Variants in DPYD observed in about 807,000 individuals in gnomAD.
The protein encoded by DPYD is dihydropyrimidine dehydrogenase [NADP(+)].
In DPYD, 109 loss-of-function variants were observed where a neutral mutation model predicts 116.2. That is an observed-to-expected ratio of 0.94 (90% confidence interval 0.80 to 1.10). The LOEUF (loss-of-function observed/expected upper bound fraction) is 1.10, where lower values mean the gene tolerates loss of function less well. Ranked by LOEUF, DPYD falls within the 50% of genes least tolerant of loss-of-function variation. The pLI, the probability that DPYD is intolerant of heterozygous loss-of-function variation, is 0.00. For synonymous variants in DPYD, 440 were observed against 432.0 expected, an observed-to-expected ratio of 1.02 and a Z score of -0.23; for missense variants, 1,302 against 1,254.5, an observed-to-expected ratio of 1.04 and a Z score of -0.57.
intron 12 of DPYD, among the ~76,000 whole-genome samples, chr1:97,540,544 C>A (rs1363696355): frequency 6.6e-6 from 1 of 152,142 alleles, no homozygotes; most frequent in East Asian, 1.9e-4. Flanking sequence ...ACCTTCTTGG[C>A]ACACGGAAGC....
At chr1:97,553,976 T>C (rs1411980458) in intron 11 of DPYD, among the ~76,000 whole-genome samples, 1 of 151,426 alleles carries the variant, frequency 6.6e-6, no homozygotes, top group Non-Finnish European at 1.5e-5. Context: ...TAATTACTAC[T>C]ATGTTCAAAT....
At chr1:97,096,259 GT>G (rs1349437042) in intron 21 of DPYD, among the ~76,000 whole-genome samples, 4 of 151,736 alleles carry the variant, frequency 2.6e-5, no homozygotes, top group African/African-American at 9.7e-5. Flanking sequence ...GCTCTGTTTT[GT>G]TTTTTGTCTA....
intron 19 of DPYD, among the ~76,000 whole-genome samples, chr1:97,202,771 G>T (rs1659299366): frequency 6.6e-6 from 1 of 152,066 alleles, no homozygotes; most frequent in South Asian, 2.1e-4. Flanking sequence ...AGCTCTAACT[G>T]GACTCAGATC....
chr1:97,421,049 G>T (rs1674554015), intron 14 of DPYD, among the ~76,000 whole-genome samples: 1 of 152,050 alleles, frequency 6.6e-6, no homozygotes, highest in African/African-American at 2.4e-5. Context: ...TCAGTATTTA[G>T]CACAGACTCT....
intron 5 of DPYD, among the ~76,000 whole-genome samples, chr1:97,715,972 T>A (rs1352597172): frequency 1.3e-5 from 2 of 152,102 alleles, no homozygotes; most frequent in Non-Finnish European, 2.9e-5. Flanking sequence ...GGTGAAGATA[T>A]GGTAGAAGTA....
At chr1:97,534,168 G>A (rs1265702430) in intron 12 of DPYD, among the ~76,000 whole-genome samples, 3 of 152,072 alleles carry the variant, frequency 2.0e-5, no homozygotes, top group Admixed American at 6.6e-5. Flanking sequence ...CACTGTTCTA[G>A]GGATACAACA....
At chr1:97,740,013 T>C (rs1464255250) in intron 4 of DPYD, among the ~76,000 whole-genome samples, 1 of 152,110 alleles carries the variant, frequency 6.6e-6, no homozygotes, top group East Asian at 1.9e-4. Context: ...ATCTATGTGC[T>C]AGACTTACTA....
rs1660304797 is a variant in DPYD at position 97,679,124 on chromosome 1, T to A, written c.821A>T (p.Lys274Ile). The A allele has an allele frequency of 6.3e-7, 1 of 1,584,910 alleles. No individual in the cohort carries two copies. The highest frequency in any genetic ancestry group is 1.3e-5 in the African/African-American group (1 of 74,416). Residue 274 changes from lysine to isoleucine, a missense_variant, in exon 8 of 23, where the codon AAA becomes ATA. Lys to Ile is a moderately radical substitution (Grantham distance 102). Transcript: ENST00000370192. ...TCCAATGAAAGCAGCTTTGTAGCCT[T>A]TTTCTTTCAAAGTGCTAAGAGTCAT... ...NEMTLSTLKEKGYKAAFIGIG... is the reference protein window; with the variant it reads ...NEMTLSTLKEIGYKAAFIGIG...
At chr1:97,613,846 G>T (rs1571062262) in intron 8 of DPYD, among the ~76,000 whole-genome samples, 1 of 152,132 alleles carries the variant, frequency 6.6e-6, no homozygotes, top group East Asian at 1.9e-4. Flanking sequence ...GATCATAAAA[G>T]TAGCAGTTCT....
At chr1:97,812,861 G>C (rs1668403628) in intron 3 of DPYD, among the ~76,000 whole-genome samples, 1 of 152,062 alleles carries the variant, frequency 6.6e-6, no homozygotes, top group Non-Finnish European at 1.5e-5. Flanking sequence ...GTCATCTATG[G>C]AAATATGTGT....
chr1:97,118,046 T>G (rs191212476), intron 20 of DPYD, among the ~76,000 whole-genome samples: 2 of 152,206 alleles, frequency 1.3e-5, no homozygotes, highest in Non-Finnish European at 2.9e-5. Flanking sequence ...AGGATTCTGT[T>G]TTCATTCTTA....
intron 13 of DPYD, among the ~76,000 whole-genome samples, chr1:97,511,647 G>C (rs1391071069): frequency 1.3e-5 from 2 of 151,782 alleles, no homozygotes; most frequent in African/African-American, 4.8e-5. Context: ...GTCAATAAAA[G>C]GAACATATTT....
chr1:97,210,390 T>C (rs1242693892), intron 19 of DPYD, among the ~76,000 whole-genome samples: 3 of 152,176 alleles, frequency 2.0e-5, no homozygotes, highest in Non-Finnish European at 2.9e-5. Flanking sequence ...AACATATTTC[T>C]GAGAATGACA....
In DPYD at chr1:97,618,749, C is replaced by T. The variant is rs116498067; in HGVS notation, c.851-23583G>A. Among the ~76,000 whole-genome samples the T allele has an allele frequency of 7.3e-3, 1,110 of 152,202 alleles. 16 individuals are homozygous for T. Among genetic ancestry groups the T allele is most frequent in the African/African-American group, 0.025 (1,050 of 41,524 alleles). Reference sequence around the variant, plus strand: ...CAGGTAGCCACACTTCAGAAATAAACGTAGGATTTTAATCCAGGCAATCAG... The same window carrying T: ...CAGGTAGCCACACTTCAGAAATAAATGTAGGATTTTAATCCAGGCAATCAG... On this transcript the variant is annotated intron_variant, in intron 8 of 22. Coordinates refer to ENST00000370192, the MANE Select transcript of DPYD (RefSeq NM_000110.4).
At chr1:97,512,466 CT>C (rs895151884) in intron 13 of DPYD, among the ~76,000 whole-genome samples, 3 of 151,794 alleles carry the variant, frequency 2.0e-5, no homozygotes, top group African/African-American at 7.3e-5. Context: ...GAAATAAATA[CT>C]TCTTAGTTTA....
chr1:97,671,903 T>TTTTTC (rs1456112166), intron 8 of DPYD, among the ~76,000 whole-genome samples: 2 of 144,868 alleles, frequency 1.4e-5, no homozygotes, highest in African/African-American at 5.1e-5. Context: ...GTCTTCTTTT[T>TTTTTC]TTGTCTTTTC....
intron 12 of DPYD, among the ~76,000 whole-genome samples, chr1:97,522,717 CAA>C (rs34950626): frequency 0.3 from 41,936 of 137,932 alleles, 5,891 homozygotes; most frequent in East Asian, 0.5. Flanking sequence ...GACTCTGTCT[CAA>C]AAAAAAAAAA....
chr1:97,785,681 C>CTTTT lies in DPYD; in HGVS notation c.233+42429_233+42432dup, dbSNP rs35229030. On this transcript the variant is annotated intron_variant, in intron 3 of 22. Transcript: ENST00000370192. Reference sequence around the variant, plus strand: ...CTTTTTTTCTTTTGGGCCACTGACTCTTTTTTTTTTTTTTTTTTTTTTTTT... The same window carrying CTTTT: ...CTTTTTTTCTTTTGGGCCACTGACTCTTTTTTTTTTTTTTTTTTTTTTTTTTTTT... Among the ~76,000 whole-genome samples, 42 of 62,552 alleles carry CTTTT rather than the reference C, an allele frequency of 6.7e-4. 1 individual carries two copies. Among genetic ancestry groups the CTTTT allele is most frequent in the African/African-American group, 1.7e-3 (24 of 14,186 alleles). 41.0% of individuals were successfully genotyped at this position (62,552 alleles called of 152,430 possible). A position where few individuals can be genotyped will look rare whatever the true frequency, so the allele number is the denominator to read the frequency against.
chr1:97,516,038 A>G (rs1648210991), intron 12 of DPYD, 97 bp from the exon 13 acceptor site: 1 of 1,176,948 alleles, frequency 8.5e-7, no homozygotes, highest in South Asian at 1.3e-5. Flanking sequence ...ATCCGAATTA[A>G]TATAGATTAC....
Sources: gnomAD v4.1 joint callset for allele counts (sites outside exome capture counted in the v4.1 genomes callset) on GRCh38, gnomAD v4.1.1 for gene constraint, MANE v1.5 for transcripts, NCBI Gene and HGNC (gene_info 2026-07-23, HGNC 2026-07-21) for gene names.